The following TTC17 variants were observed in gnomAD, a reference collection of about 807,000 sequenced individuals.
TTC17 encodes tetratricopeptide repeat domain 17.
Under a neutral mutation model 143.8 loss-of-function variants are expected in TTC17, and 58 were observed. The ratio of observed to expected loss-of-function variants is 0.40; its 90% confidence interval spans 0.33 to 0.50. The LOEUF is 0.50. Ranked by LOEUF, TTC17 falls within the 20% of genes least tolerant of loss-of-function variation. The pLI is 0.49. For missense variants in TTC17, 1,273 were observed against 1,392.5 expected (o/e 0.91, Z 1.37); for synonymous variants, 501 against 497.8 (o/e 1.01, Z -0.09).
intron 16 of TTC17, among the ~76,000 whole-genome samples, chr11:43,421,422 C>T (rs1351727314): frequency 2.6e-5 from 4 of 152,096 alleles, no homozygotes; most frequent in Non-Finnish European, 4.4e-5. Flanking sequence ...GTGGGCTTTT[C>T]GTCTAAGAGA....
At chr11:43,390,661 A>G (rs1003974737) in intron 3 of TTC17, among the ~76,000 whole-genome samples, 5 of 148,860 alleles carry the variant, frequency 3.4e-5, no homozygotes, top group Admixed American at 6.6e-5. Context: ...AAAAATAAAA[A>G]TGAAAAATAA....
intron 2 of TTC17, among the ~76,000 whole-genome samples, chr11:43,382,013 T>C (rs1440642299): frequency 6.6e-6 from 1 of 152,152 alleles, no homozygotes; most frequent in Non-Finnish European, 1.5e-5. Flanking sequence ...AGGGGAAAGA[T>C]GCAGGCTCAA....
At chr11:43,480,014 C>G (rs1367538681) in intron 21 of TTC17, among the ~76,000 whole-genome samples, 2 of 152,188 alleles carry the variant, frequency 1.3e-5, no homozygotes, top group African/African-American at 2.4e-5. Context: ...GAAGTCCCTT[C>G]TCCCTCTTGC....
chr11:43,405,998 C>T (rs374704825), intron 13 of TTC17, 47 bp downstream of exon 13: 12 of 1,573,750 alleles, frequency 7.6e-6, no homozygotes, highest in African/African-American at 5.5e-5. Context: ...TTCTGGGTGA[C>T]TTCAGAAGCC....
intron 3 of TTC17, among the ~76,000 whole-genome samples, chr11:43,391,015 C>T (rs1857364586): frequency 6.6e-6 from 1 of 152,194 alleles, no homozygotes; most frequent in African/African-American, 2.4e-5. Flanking sequence ...TTTGACTCTT[C>T]ATGGCAGCTA....
At chr11:43,395,585 C>CAA (rs1286358643) in intron 5 of TTC17, 2 of 152,196 alleles carry the variant, frequency 1.3e-5, no homozygotes, top group Admixed American at 6.5e-5. Flanking sequence ...TAACCAGCTT[C>CAA]AAGTAGAAGT....
At chr11:43,412,145 A>C (rs1420600685) in intron 15 of TTC17, among the ~76,000 whole-genome samples, 1 of 152,238 alleles carries the variant, frequency 6.6e-6, no homozygotes, top group Non-Finnish European at 1.5e-5. Context: ...GTCTCAGCAA[A>C]CAATTGGAAA....
At chr11:43,459,556 C>T (rs929022122) in intron 21 of TTC17, among the ~76,000 whole-genome samples, 3 of 152,192 alleles carry the variant, frequency 2.0e-5, no homozygotes, top group African/African-American at 7.2e-5. Flanking sequence ...CAAATTTCTT[C>T]AAGAAGTCCT....
Position 43,401,917 on chromosome 11 carries a change from G to A in TTC17, c.1332+359G>A, listed in dbSNP as rs549123235. Among the ~76,000 whole-genome samples the A allele has an allele frequency of 1.1e-4, 17 of 151,998 alleles. No homozygotes were observed. In the East Asian group the frequency reaches 3.1e-3, roughly 28 times the overall value. On this transcript the variant is annotated intron_variant, in intron 10 of 23. Transcript: ENST00000039989. ...CATCTGAGCTCTGGAGGTCAAAGCT[G>A]TAGTGAACCCAGATCATGCCATTGC...
intron 21 of TTC17, among the ~76,000 whole-genome samples, chr11:43,488,016 G>T (rs571757962): frequency 1.6e-4 from 24 of 152,300 alleles, no homozygotes; most frequent in African/African-American, 5.5e-4. Flanking sequence ...ACATTCTGAG[G>T]TACAGGGGAT....
At chr11:43,452,403 G>A (rs995361929) in intron 21 of TTC17, among the ~76,000 whole-genome samples, 8 of 152,134 alleles carry the variant, frequency 5.3e-5, no homozygotes, top group African/African-American at 1.9e-4. Flanking sequence ...GAGAGAGTGA[G>A]GCAGGAGAAT....
intron 19 of TTC17, chr11:43,448,633 G>A (rs962607657): frequency 6.5e-6 from 1 of 152,796 alleles, no homozygotes; most frequent in African/African-American, 2.4e-5. Flanking sequence ...TAGTCAGACT[G>A]ATCTACTCCC....
chr11:43,377,339 T>C (rs1266048527), intron 1 of TTC17, among the ~76,000 whole-genome samples: 2 of 152,146 alleles, frequency 1.3e-5, no homozygotes, highest in African/African-American at 4.8e-5. Context: ...CCATCACATA[T>C]GCAGTCTGCC....
intron 20 of TTC17, among the ~76,000 whole-genome samples, chr11:43,450,853 T>C (rs1947643907): frequency 6.6e-6 from 1 of 152,164 alleles, no homozygotes; most frequent in South Asian, 2.1e-4. Flanking sequence ...TATAAAGGTA[T>C]TAAAAGTGGT....
In TTC17 at chr11:43,444,042, T is replaced by C. The variant is rs1232601348; in HGVS notation, c.2512-14T>C. On this transcript the variant is annotated splice_polypyrimidine_tract_variant and intron_variant, in intron 17 of 23. Transcript: ENST00000039989. ...ACTGGTCTCATTTGTCCCTAACATG[T>C]TTCTGTTTCCCAGATTACATTCCAG... The C allele has an allele frequency of 3.8e-6, 6 of 1,592,344 alleles. No homozygotes were observed. The highest frequency in any genetic ancestry group is 5.1e-6 in the Non-Finnish European group (6 of 1,172,986).
chr11:43,488,113 G>A (rs1398668155), intron 21 of TTC17, among the ~76,000 whole-genome samples: 2 of 152,146 alleles, frequency 1.3e-5, no homozygotes, highest in Non-Finnish European at 2.9e-5. Flanking sequence ...AGCCGTTCTT[G>A]AGGAAACTAT....
At chr11:43,446,375 T>C (rs987031278) in intron 18 of TTC17, 2 of 239,548 alleles carry the variant, frequency 8.3e-6, no homozygotes, top group East Asian at 3.0e-4. Context: ...TGTTGTATTG[T>C]AATGATTTGT....
intron 5 of TTC17, 32 bp downstream of exon 5, chr11:43,391,984 G>T (rs1353802994): frequency 1.8e-5 from 29 of 1,574,564 alleles, no homozygotes; most frequent in African/African-American, 6.9e-5. Flanking sequence ...GAGCCAGCGG[G>T]CTGAGCCAGC....
At position 43,451,251 on chromosome 11, in the gene TTC17, A is replaced by G; in HGVS notation, c.3016A>G (p.Lys1006Glu). The change falls in exon 21 of 24, where the codon AAA becomes GAA. Residue 1006 changes from lysine to glutamate, a missense_variant. Coordinates refer to ENST00000039989, the MANE Select transcript of TTC17 (RefSeq NM_018259.6). Reference protein sequence around the residue: ...SLEQIGTRIAKVLEKNQTSWV... With the variant: ...SLEQIGTRIAEVLEKNQTSWV... Reference sequence around the variant, plus strand: ...TGAACAGATTGGCACCCGAATTGCCAAAGTTTTGGAAAAGGTAAGTCACCC... The same window carrying G: ...TGAACAGATTGGCACCCGAATTGCCGAAGTTTTGGAAAAGGTAAGTCACCC... The G allele has an allele frequency of 1.2e-6, 2 of 1,613,550 alleles. No individual in the cohort carries two copies. Among genetic ancestry groups the G allele is most frequent in the East Asian group, 2.2e-5 (1 of 44,874 alleles).
Sources: gnomAD v4.1 joint callset for allele counts (sites outside exome capture counted in the v4.1 genomes callset) on GRCh38, gnomAD v4.1.1 for gene constraint, MANE v1.5 for transcripts, NCBI Gene and HGNC (gene_info 2026-07-23, HGNC 2026-07-21) for gene names.